Variants in CYP4F8 observed in about 807,000 individuals in gnomAD.
CYP4F8 encodes cytochrome P450 4F8.
A neutral mutation model predicts 55.0 loss-of-function variants in CYP4F8; 56 were observed. The observed-to-expected ratio is 1.02, with a 90% CI of 0.82 to 1.27. The LOEUF is 1.27. CYP4F8 is among the 50% of genes most tolerant of loss of function. CYP4F8 has a pLI of 0.00. For missense variants in CYP4F8, 680 were observed against 682.4 expected, an observed-to-expected ratio of 1.00 and a Z score of 0.04; for synonymous variants, 288 against 267.3, an observed-to-expected ratio of 1.08 and a Z score of -0.76.
intron 12 of CYP4F8, 129 bp from the exon 13 acceptor site, chr19:15,629,064 A>G: frequency 1.5e-6 from 2 of 1,370,648 alleles, no homozygotes; most frequent in Non-Finnish European, 1.9e-6. Flanking sequence ...TGGGGGTCCC[A>G]GACCCAGCTT....
intron 3 of CYP4F8, chr19:15,618,969 A>G (rs1161535815): frequency 1.2e-5 from 2 of 166,558 alleles, no homozygotes; most frequent in Admixed American, 5.5e-5. Context: ...TCAAGCCCCA[A>G]AATGCTGAGT....
At chr19:15,623,807 C>T in intron 8 of CYP4F8, 42 bp downstream of exon 8, 2 of 1,611,426 alleles carry the variant, frequency 1.2e-6, no homozygotes, top group Non-Finnish European at 1.7e-6. Context: ...ACAGGGGTCT[C>T]TCCACTCCAG....
At chr19:15,622,868 A>T (rs956455908) in intron 6 of CYP4F8, 4 of 568,734 alleles carry the variant, frequency 7.0e-6, no homozygotes, top group Middle Eastern at 4.7e-4. Flanking sequence ...ACTGAGTAAT[A>T]ATAGGCAGGA....
intron 5 of CYP4F8, 84 bp from the exon 6 acceptor site, chr19:15,622,135 G>C (rs1387070651): frequency 1.3e-5 from 19 of 1,518,314 alleles, no homozygotes; most frequent in Non-Finnish European, 1.7e-5. Context: ...ATGCCTCTGG[G>C]GGAGTCCATC....
chr19:15,625,410 A>G (rs1972250492), intron 9 of CYP4F8, among the ~76,000 whole-genome samples: 2 of 149,316 alleles, frequency 1.3e-5, no homozygotes, highest in South Asian at 2.1e-4. Flanking sequence ...CACACATACT[A>G]TATATAGTGT....
At chr19:15,619,290 T>C (rs17708332) in intron 3 of CYP4F8, 200 bp from the exon 4 acceptor site, 94,466 of 584,420 alleles carry the variant, frequency 0.16, 8,880 homozygotes, top group Non-Finnish European at 0.2. Flanking sequence ...GGGTGTATCA[T>C]TGCTCTATAG....
rs2283606 is a variant in CYP4F8 at position 15,629,544 on chromosome 19, C to T, written c.*186C>T. Reference sequence around the variant, plus strand: ...GAAGAGGCGGGGAGATGTCTCTGTGCCCAAGATACTCACTGCCTCTCTGGG... The same window carrying T: ...GAAGAGGCGGGGAGATGTCTCTGTGTCCAAGATACTCACTGCCTCTCTGGG... On this transcript the variant is annotated 3_prime_UTR_variant, in exon 13 of 13. Transcript: ENST00000612078. 118,195 of 783,170 alleles carry T rather than the reference C, an allele frequency of 0.15. 9,032 individuals are homozygous for T. Among genetic ancestry groups the T allele is most frequent in the Middle Eastern group, 0.19 (490 of 2,624 alleles). 48.5% of individuals were successfully genotyped at this position (783,170 alleles called of 1,614,324 possible).
At chr19:15,619,218 C>T in intron 3 of CYP4F8, 1 of 423,078 alleles carries the variant, frequency 2.4e-6, no homozygotes, top group South Asian at 3.5e-5. Context: ...TTGGGTGTTG[C>T]AGAACATGTT....
rs1972227732 is a variant in CYP4F8 at position 15,623,864 on chromosome 19, C to T, written c.985+99C>T. 3 of 1,594,928 alleles carry T rather than the reference C, an allele frequency of 1.9e-6. No individual in the cohort carries two copies. The Admixed American group carries it at 5.2e-5, about 27-fold the overall frequency. ...AATCACTTCATTCTGCCCAACCTCC[C>T]CCTCCCCTCAACCTTCCTGAGAGCC... On this transcript the variant is annotated intron_variant, in intron 8 of 12. Transcript: ENST00000612078.
chr19:15,626,710 A>G (rs1391291821), intron 9 of CYP4F8, among the ~76,000 whole-genome samples: 1 of 152,096 alleles, frequency 6.6e-6, no homozygotes, highest in African/African-American at 2.4e-5. Context: ...TGTATCTTTT[A>G]CTGCACAGAA....
chr19:15,624,335 T>G (rs1409290781), intron 9 of CYP4F8, among the ~76,000 whole-genome samples: 1 of 152,166 alleles, frequency 6.6e-6, no homozygotes, highest in East Asian at 1.9e-4. Flanking sequence ...CTTAGTAAAA[T>G]CAATTCCCTT....
intron 9 of CYP4F8, among the ~76,000 whole-genome samples, chr19:15,626,306 G>A (rs1290142234): frequency 6.6e-6 from 1 of 152,138 alleles, no homozygotes; most frequent in Non-Finnish European, 1.5e-5. Flanking sequence ...TTCCATATTG[G>A]CAGCTTCTGT....
intron 12 of CYP4F8, 151 bp from the exon 13 acceptor site, chr19:15,629,042 T>C: frequency 7.7e-7 from 1 of 1,291,142 alleles, no homozygotes; most frequent in South Asian, 1.5e-5. Flanking sequence ...TCTGGGAATA[T>C]GCAAGCCCAC....
rs993514582 is a variant in CYP4F8 at position 15,629,483 on chromosome 19, G to A, written c.*125G>A. On this transcript the variant is annotated 3_prime_UTR_variant, in exon 13 of 13. Transcript: ENST00000612078. ...CAGTCCCGCGGATGGCCAGTAGGGG[G>A]CGCTGGAGGACTGCGGGGATCTAGG... 1.2e-5 allele frequency: 16 copies of A among 1,340,048 alleles called. No homozygotes were observed. Among genetic ancestry groups the A allele is most frequent in the African/African-American group, 3.0e-5 (2 of 67,464 alleles). 83.0% of individuals were successfully genotyped at this position (1,340,048 alleles called of 1,614,324 possible). A position where few individuals can be genotyped will look rare whatever the true frequency, so the allele number is the denominator to read the frequency against.
chr19:15,621,379 A>G (rs1972191654), intron 5 of CYP4F8, among the ~76,000 whole-genome samples: 1 of 152,186 alleles, frequency 6.6e-6, no homozygotes, highest in African/African-American at 2.4e-5. Context: ...TACAAAAATT[A>G]GCAGGGCGTG....
At chr19:15,617,483 C>CATCCATCT (rs953653615) in intron 2 of CYP4F8, among the ~76,000 whole-genome samples, 22 of 149,684 alleles carry the variant, frequency 1.5e-4, no homozygotes, top group Non-Finnish European at 2.8e-4. Context: ...TCAATATCTA[C>CATCCATCT]ATCTATCTAT....
Position 15,619,533 on chromosome 19 carries a change from G to A in CYP4F8, c.387G>A (p.Lys129=), listed in dbSNP as rs372348033. The change falls in exon 4 of 13, where the codon AAG becomes AAA. Residue 129 remains lysine (K), a synonymous_variant. Coordinates refer to ENST00000612078, the MANE Select transcript of CYP4F8 (RefSeq NM_007253.4). ...ACATAGTCTTCTACAAGACCCTGAA[G>A]CCCTGGCTGGGTAAGTAACTGTAGG... The part of the protein sequence containing the change: ...DKDIVFYKTL[K]PWLGDGLLLS... 125 of 1,614,102 alleles carry A rather than the reference G, an allele frequency of 7.7e-5. No individual in the cohort carries two copies. Among genetic ancestry groups the A allele is most frequent in the Non-Finnish European group, 9.6e-5 (113 of 1,180,038 alleles).
intron 9 of CYP4F8, 37 bp downstream of exon 9, chr19:15,624,131 TTC>T (rs1568384153): frequency 6.2e-7 from 1 of 1,603,028 alleles, no homozygotes; most frequent in South Asian, 1.1e-5. Flanking sequence ...CTTTCTGCCT[TTC>T]TGAGTCCTTC....
At position 15,618,083 on chromosome 19, in the gene CYP4F8, C is replaced by T. The variant is rs751342517; in HGVS notation, c.282C>T (p.Pro94=). 61 of 1,613,990 alleles carry T rather than the reference C, an allele frequency of 3.8e-5. No individual in the cohort carries two copies. The highest frequency in any genetic ancestry group is 4.9e-5 in the Non-Finnish European group (58 of 1,180,016). The part of the protein sequence containing the change: ...YPQGFVRWLG[P]ITPIINLCHP... ...AGGGCTTTGTGAGGTGGTTGGGCCC[C>T]ATCACTCCCATCATCAACTTGTGCC... The change falls in exon 3 of 13, where the codon CCC becomes CCT. Residue 94 remains proline, a synonymous_variant. Transcript: ENST00000612078.
Sources: gnomAD v4.1 joint callset for allele counts (sites outside exome capture counted in the v4.1 genomes callset) on GRCh38, gnomAD v4.1.1 for gene constraint, MANE v1.5 for transcripts, NCBI Gene and HGNC (gene_info 2026-07-23, HGNC 2026-07-21) for gene names.